DMGDH: variants seen among roughly 807,000 people sequenced by gnomAD.
The protein encoded by DMGDH is dimethylglycine dehydrogenase, mitochondrial.
DMGDH carries 76 observed loss-of-function variants against 95.2 expected under a neutral mutation model. The ratio of observed to expected loss-of-function variants is 0.80; its 90% CI spans 0.66 to 0.97. The LOEUF is 0.97. DMGDH is among the 50% of genes least tolerant of loss of function. DMGDH has a pLI of 0.00. For synonymous variants in DMGDH, 345 were observed against 377.6 expected, an observed-to-expected ratio of 0.91 and a Z score of 1.00; for missense variants, 987 against 1,055.0, an observed-to-expected ratio of 0.94 and a Z score of 0.89.
intron 15 of DMGDH, chr5:79,000,166 C>A: frequency 1.7e-6 from 1 of 581,158 alleles, no homozygotes; most frequent in East Asian, 4.4e-5. Context: ...GTGTGTTGTT[C>A]TTCTCCACTA....
intron 3 of DMGDH, among the ~76,000 whole-genome samples, chr5:79,055,491 T>C (rs1755002528): frequency 6.6e-6 from 1 of 152,232 alleles, no homozygotes; most frequent in African/African-American, 2.4e-5. Context: ...TCAGATCCTT[T>C]GCAATGCAAT....
intron 14 of DMGDH, among the ~76,000 whole-genome samples, chr5:79,014,807 A>G (rs1226684876): frequency 6.6e-6 from 1 of 152,228 alleles, no homozygotes; most frequent in Non-Finnish European, 1.5e-5. Context: ...TCTAGTCAGA[A>G]TCAGTAAATG....
chr5:79,003,673 G>A (rs1461334197), intron 15 of DMGDH, among the ~76,000 whole-genome samples: 1 of 152,190 alleles, frequency 6.6e-6, no homozygotes, highest in Non-Finnish European at 1.5e-5. Flanking sequence ...CTTAAGGCCA[G>A]GGGCAGTGGC....
intron 11 of DMGDH, among the ~76,000 whole-genome samples, chr5:79,029,012 G>A (rs1170924860): frequency 1.3e-5 from 2 of 152,096 alleles, no homozygotes; most frequent in Non-Finnish European, 2.9e-5. Context: ...TCTAATACCT[G>A]TACACAGGAG....
At chr5:79,021,517 G>C in intron 14 of DMGDH, 6 of 1,278,978 alleles carry the variant, frequency 4.7e-6, no homozygotes, top group Non-Finnish European at 6.1e-6. Flanking sequence ...GGGCCACTGC[G>C]CCGTCTCCCT....
chr5:78,997,870 C>T lies in DMGDH; in HGVS notation c.*212G>A. 2 of 587,886 alleles carry T rather than the reference C, an allele frequency of 3.4e-6. No individual in the cohort carries two copies. Among genetic ancestry groups the T allele is most frequent in the Non-Finnish European group, 3.0e-6 (1 of 337,110 alleles). The allele number at this position is 587,886 out of a possible 1,614,324, so 36.4% of individuals were successfully genotyped here. A position where few individuals can be genotyped will look rare whatever the true frequency, so the allele number is the denominator to read the frequency against. On this transcript the variant is annotated 3_prime_UTR_variant, in exon 16 of 16. Coordinates refer to ENST00000255189, the MANE Select transcript of DMGDH (RefSeq NM_013391.3). The stretch of plus-strand genomic sequence containing the variant: ...ATAAAAAAACATTCATTTCAAATTT[C>T]TTCATTTAAAAGAACAATGTAAATC...
intron 14 of DMGDH, among the ~76,000 whole-genome samples, chr5:79,012,555 C>T (rs1753662886): frequency 6.6e-6 from 1 of 152,224 alleles, no homozygotes; most frequent in South Asian, 2.1e-4. Context: ...TTCCCCTCTA[C>T]ACTGTCTTAG....
At chr5:79,050,840 A>G (rs1478191966) in intron 5 of DMGDH, among the ~76,000 whole-genome samples, 1 of 152,240 alleles carries the variant, frequency 6.6e-6, no homozygotes, top group Non-Finnish European at 1.5e-5. Context: ...AAGGAAAAGC[A>G]TTTAAAAACT....
intron 14 of DMGDH, among the ~76,000 whole-genome samples, chr5:79,008,495 A>G (rs1753587125): frequency 6.6e-6 from 1 of 152,078 alleles, no homozygotes; most frequent in African/African-American, 2.4e-5. Context: ...CATTTCGCCT[A>G]CTCTGAACAG....
chr5:79,065,416 T>C, intron 1 of DMGDH, among the ~76,000 whole-genome samples: 1 of 151,906 alleles, frequency 6.6e-6, no homozygotes, highest in East Asian at 1.9e-4. Context: ...TTCACCATGT[T>C]GGCCAGGCTG....
In DMGDH at chr5:79,069,573, G is replaced by A; in HGVS notation, c.48C>T (p.Ser16=). The A allele has an allele frequency of 7.4e-7, 1 of 1,352,684 alleles. No homozygotes were observed. 83.8% of individuals were successfully genotyped at this position (1,352,684 alleles called of 1,614,324 possible). A position where few individuals can be genotyped will look rare whatever the true frequency, so the allele number is the denominator to read the frequency against. Residue 16 remains serine, a synonymous_variant, in exon 1 of 16, where the codon AGC becomes AGT. Coordinates refer to ENST00000255189, the MANE Select transcript of DMGDH (RefSeq NM_013391.3). ...GCCCGGGGGAGCCCTGCAGCGGGCA[G>A]CTCCGCAGCAGGAGGCCCCGCAGCA... is the stretch of plus-strand genomic sequence containing the variant. ...AQLLRGLLLR[S]CPLQGSPGRP...
chr5:79,066,549 C>T (rs544870928), intron 1 of DMGDH, among the ~76,000 whole-genome samples: 3 of 152,118 alleles, frequency 2.0e-5, no homozygotes, highest in Admixed American at 2.0e-4. Flanking sequence ...CTGCCTCAGC[C>T]TCCCAAAGTG....
In DMGDH at chr5:79,063,767, G is replaced by A. The variant is rs1755284090; in HGVS notation, c.122C>T (p.Ser41Phe). ...TCTGTCTTTCCATTGTGTTTCTGCAGATAAGGGTGGTTTTTCCTCTCTGGA... is the reference window on the plus strand; with the variant it reads ...TCTGTCTTTCCATTGTGTTTCTGCAAATAAGGGTGGTTTTTCCTCTCTGGA... ...GREGEEKPPL[S>F]AETQWKDRAE... The change falls in exon 2 of 16, where the codon TCT becomes TTT. Residue 41 changes from serine to phenylalanine, a missense_variant. Transcript: ENST00000255189. The A allele has an allele frequency of 6.2e-7, 1 of 1,614,208 alleles. No homozygotes were observed.
intron 13 of DMGDH, 109 bp downstream of exon 13, chr5:79,026,315 G>A (rs996787133): frequency 7.2e-7 from 1 of 1,380,164 alleles, no homozygotes; most frequent in Non-Finnish European, 1.0e-6. Flanking sequence ...CTAATGATAT[G>A]TAATTTCTCT....
At chr5:79,066,636 TTGTC>T (rs1156487236) in intron 1 of DMGDH, among the ~76,000 whole-genome samples, 1 of 152,134 alleles carries the variant, frequency 6.6e-6, no homozygotes, top group African/African-American at 2.4e-5. Context: ...TACTGTGAGT[TTGTC>T]TGGTGTTTCC....
At chr5:79,027,182 G>A (rs1270063280) in intron 12 of DMGDH, among the ~76,000 whole-genome samples, 1 of 151,902 alleles carries the variant, frequency 6.6e-6, no homozygotes, top group Non-Finnish European at 1.5e-5. Context: ...TTCTTGTTTT[G>A]TTTTTTTGTC....
chr5:79,002,405 GT>G (rs1420061355), intron 15 of DMGDH, among the ~76,000 whole-genome samples: 6 of 152,116 alleles, frequency 3.9e-5, no homozygotes, highest in African/African-American at 1.4e-4. Context: ...CTCATTTAAG[GT>G]TATAATCCCT....
intron 1 of DMGDH, among the ~76,000 whole-genome samples, chr5:79,065,248 T>G (rs1755339281): frequency 6.8e-6 from 1 of 147,580 alleles, no homozygotes; most frequent in Non-Finnish European, 1.5e-5. Context: ...AGACAGCGTC[T>G]CACTCTGTCA....
At chr5:79,063,894 A>T in intron 1 of DMGDH, 107 bp from the exon 2 acceptor site, 1 of 1,158,698 alleles carries the variant, frequency 8.6e-7, no homozygotes. Context: ...ACACCCACTG[A>T]CTGAGATTTG....
Sources: gnomAD v4.1 joint callset for allele counts (sites outside exome capture counted in the v4.1 genomes callset) on GRCh38, gnomAD v4.1.1 for gene constraint, MANE v1.5 for transcripts, NCBI Gene and HGNC (gene_info 2026-07-23, HGNC 2026-07-21) for gene names.